ZIC4: variants seen among roughly 807,000 people sequenced by gnomAD.
The protein encoded by ZIC4 is Zic family zinc finger 4.
Under a neutral mutation model 28.8 loss-of-function variants are expected in ZIC4, and 15 were observed. The observed-to-expected ratio is 0.52, with a 90% CI of 0.35 to 0.80. ZIC4 has a LOEUF of 0.80. ZIC4 is among the 30% of genes least tolerant of loss of function. ZIC4 has a pLI of 0.01. For missense variants in ZIC4, 512 were observed against 467.1 expected, an observed-to-expected ratio of 1.10 and a Z score of -0.89; for synonymous variants, 220 against 198.1, an observed-to-expected ratio of 1.11 and a Z score of -0.93.
Position 147,388,643 on chromosome 3 carries a change from T to G in ZIC4, c.*216A>C, listed in dbSNP as rs562036844. On this transcript the variant is annotated 3_prime_UTR_variant, in exon 5 of 5. Coordinates refer to ENST00000383075, the MANE Select transcript of ZIC4 (RefSeq NM_032153.6). ...AAAAAAGGTCTGTTAGACGTAAATA[T>G]TATGTCCTTAATGAAAAGCCTGGAC... 1.8e-6 allele frequency: 1 copy of G among 557,676 alleles called. No homozygotes were observed. Among genetic ancestry groups the G allele is most frequent in the South Asian group, 2.7e-5 (1 of 37,476 alleles). The allele number at this position is 557,676 out of a possible 1,614,324, so 34.5% of individuals were successfully genotyped here.
chr3:147,404,827 G>T (rs993192792), intron 1 of ZIC4, among the ~76,000 whole-genome samples: 1 of 152,160 alleles, frequency 6.6e-6, no homozygotes, highest in Admixed American at 6.5e-5. Flanking sequence ...CCTAGCCGGC[G>T]CAGGACTACC....
At chr3:147,393,147 C>A (rs2107968994) in intron 3 of ZIC4, among the ~76,000 whole-genome samples, 1 of 150,450 alleles carries the variant, frequency 6.6e-6, no homozygotes, top group East Asian at 2.0e-4. Flanking sequence ...CCACCCCCAA[C>A]AAAAATCCCG....
chr3:147,400,565 A>C (rs1046043030), intron 2 of ZIC4, among the ~76,000 whole-genome samples: 1 of 152,186 alleles, frequency 6.6e-6, no homozygotes, highest in African/African-American at 2.4e-5. Flanking sequence ...CCTTAGAGCT[A>C]TATGGTCTAT....
intron 3 of ZIC4, chr3:147,393,440 CTGGG>C: frequency 1.3e-5 from 2 of 158,926 alleles, no homozygotes; most frequent in Non-Finnish European, 2.8e-5. Context: ...GCACTGCGCC[CTGGG>C]TGGGTGGGTG....
intron 3 of ZIC4, among the ~76,000 whole-genome samples, chr3:147,394,335 G>C (rs1356039782): frequency 7.0e-6 from 1 of 143,376 alleles, no homozygotes; most frequent in Non-Finnish European, 1.5e-5. Context: ...CTGAAAACAC[G>C]AAAACCTGAG....
At chr3:147,402,705 T>C in intron 2 of ZIC4, 23 bp downstream of exon 2, 1 of 1,583,110 alleles carries the variant, frequency 6.3e-7, no homozygotes, top group African/African-American at 1.4e-5. Flanking sequence ...CAAACCAATA[T>C]TCAAAGGAGG....
intron 3 of ZIC4, chr3:147,391,820 T>G (rs1431868042): frequency 3.3e-6 from 1 of 303,102 alleles, no homozygotes; most frequent in Non-Finnish European, 4.8e-6. Flanking sequence ...CCGATGCACA[T>G]TGTGTGTGCA....
intron 3 of ZIC4, among the ~76,000 whole-genome samples, chr3:147,394,389 T>C (rs1428390498): frequency 6.7e-6 from 1 of 149,956 alleles, no homozygotes; most frequent in East Asian, 2.0e-4. Context: ...GTAGGTCGAC[T>C]GTGCTAAGAA....
intron 2 of ZIC4, among the ~76,000 whole-genome samples, chr3:147,401,942 T>C (rs1383644049): frequency 6.6e-6 from 1 of 152,194 alleles, no homozygotes; most frequent in East Asian, 1.9e-4. Flanking sequence ...ATACCTCTCT[T>C]GAGACTTTTG....
chr3:147,389,058 A>G, intron 4 of ZIC4, 199 bp from the exon 5 acceptor site: 1 of 604,686 alleles, frequency 1.7e-6, no homozygotes, highest in East Asian at 2.8e-5. Flanking sequence ...TCTGCACCTT[A>G]GTGGTGGGGT....
In ZIC4 at chr3:147,396,291, C is replaced by T; in HGVS notation, c.249G>A (p.Ala83=). The T allele has an allele frequency of 6.2e-7, 1 of 1,607,424 alleles. No individual in the cohort carries two copies. ...CAGCTGCCAGGGCGTCGCTGCGGGC[C>T]GCAGGCCCTGGCGGGAAGGGCTCCG... ...ARPEPFPPGP[A]ARSDALAAAA... is the part of the protein sequence containing the mutation. Residue 83 remains alanine (A), a synonymous_variant, in exon 3 of 5, where the codon GCG becomes GCA. Transcript: ENST00000383075. This position sits in a 1 kb window ranked among gnomAD's most constrained non-coding sequence, Gnocchi z 4.2.
In ZIC4 at chr3:147,388,019, A is replaced by C. The variant is rs1024223086; in HGVS notation, c.*840T>G. The stretch of plus-strand genomic sequence containing the variant: ...TCTTTGGGGTGCAGTCAAGATGCAC[A>C]GAGTCCTTGTGCTCCTCCCTTTCCT... On this transcript the variant is annotated 3_prime_UTR_variant, in exon 5 of 5. Transcript: ENST00000383075. The C allele has an allele frequency of 3.3e-5, 5 of 152,574 alleles. No individual in the cohort carries two copies. The highest frequency in any genetic ancestry group is 1.2e-4 in the African/African-American group (5 of 41,442). 9.5% of individuals were successfully genotyped at this position (152,574 alleles called of 1,614,324 possible). A position where few individuals can be genotyped will look rare whatever the true frequency, so the allele number is the denominator to read the frequency against.
intron 1 of ZIC4, chr3:147,404,315 C>T: frequency 7.3e-7 from 1 of 1,378,926 alleles, no homozygotes; most frequent in South Asian, 1.7e-5. Flanking sequence ...TTGTGCACTA[C>T]AGACCCATAG....
Position 147,391,108 on chromosome 3 carries a change from G to T in ZIC4, c.827C>A (p.Thr276Lys). 6.2e-7 allele frequency: 1 copy of T among 1,614,168 alleles called. No homozygotes were observed. The highest frequency in any genetic ancestry group is 8.5e-7 in the Non-Finnish European group (1 of 1,180,030). Residue 276 changes from threonine to lysine, a missense_variant, in exon 4 of 5, where the codon ACG (threonine) becomes AAG (lysine). Physicochemically the swap from Thr to Lys is moderately conservative, Grantham distance 78 (BLOSUM62 -1). This residue lies in a region of ZIC4 where 144 missense variants were observed against 116.8 expected (regional missense o/e 1.23). Coordinates refer to ENST00000383075, the MANE Select transcript of ZIC4 (RefSeq NM_032153.6). ...CKVRGCDKCYTHPSSLRKHMK... is the reference protein window; with the variant it reads ...CKVRGCDKCYKHPSSLRKHMK... ...GTGCTTACGCAGCGAGCTGGGGTGC[G>T]TGTAGCACTTGTCGCAGCCCCGCAC...
At position 147,386,895 on chromosome 3, in the gene ZIC4, A is replaced by G. The variant is rs1390475902; in HGVS notation, c.*1964T>C. ...TGCTGCTAGTGAGAAGAAACACACA[A>G]TGGGTCTATTTTTAGCAGAGGTGGC... On this transcript the variant is annotated 3_prime_UTR_variant, in exon 5 of 5. Coordinates refer to ENST00000383075, the MANE Select transcript of ZIC4 (RefSeq NM_032153.6). The G allele has an allele frequency of 6.6e-6, 1 of 152,180 alleles. No homozygotes were observed. Among genetic ancestry groups the G allele is most frequent in the Non-Finnish European group, 1.5e-5 (1 of 68,036 alleles). The allele number at this position is 152,180 out of a possible 1,614,324, so 9.4% of individuals were successfully genotyped here.
chr3:147,388,863 T>C lies in ZIC4; in HGVS notation c.*-4A>G, dbSNP rs772212994. ...TTGCGAGCAACGCGGTGGACATCTG[T>C]AACAAGCAAATGAAAAATTAAAGGC... On this transcript the variant is annotated splice_region_variant and splice_polypyrimidine_tract_variant and intron_variant, in intron 4 of 4. Transcript: ENST00000383075. The C allele has an allele frequency of 1.3e-6, 1 of 780,200 alleles. No individual in the cohort carries two copies. The highest frequency in any genetic ancestry group is 2.4e-6 in the Non-Finnish European group (1 of 417,976). The allele number at this position is 780,200 out of a possible 1,614,324, so 48.3% of individuals were successfully genotyped here.
chr3:147,397,433 T>G (rs9818963), intron 2 of ZIC4, among the ~76,000 whole-genome samples: 8,747 of 145,360 alleles, frequency 0.06, 325 homozygotes, highest in South Asian at 0.11. Flanking sequence ...CCCCACAGCA[T>G]CTCAAGCTTC....
chr3:147,392,197 G>A, intron 3 of ZIC4: 1 of 985,574 alleles, frequency 1.0e-6, no homozygotes, highest in Non-Finnish European at 1.2e-6. Context: ...TGGGATCCGA[G>A]GTGTCTACCG....
Position 147,396,365 on chromosome 3 carries a change from A to G in ZIC4, c.175T>C (p.Leu59=). ...EPPQASPSRP[L]NGLLRLGLPG... is the part of the protein sequence containing the mutation. ...AGCCCCAGACGCAGGAGTCCATTCA[A>G]AGGACGGCTGGGGGAGGCCTGGGGA... The change falls in exon 3 of 5, where the codon TTG becomes CTG. Residue 59 remains leucine, a synonymous_variant. Coordinates refer to ENST00000383075, the MANE Select transcript of ZIC4 (RefSeq NM_032153.6). This position sits in a 1 kb window ranked among gnomAD's most constrained non-coding sequence, Gnocchi z 4.2. The G allele has an allele frequency of 6.5e-7, 1 of 1,550,352 alleles. No homozygotes were observed. Among genetic ancestry groups the G allele is most frequent in the African/African-American group, 1.4e-5 (1 of 72,772 alleles).
Sources: allele counts gnomAD v4.1 joint callset (sites outside exome capture counted in the v4.1 genomes callset), GRCh38; gene constraint gnomAD v4.1.1; regional missense constraint gnomAD v4.1.1; non-coding constraint Gnocchi (gnomAD v3.1); transcripts MANE v1.5; gene names NCBI Gene and HGNC (gene_info 2026-07-23, HGNC 2026-07-21).